DNAH14: variants seen among roughly 807,000 people sequenced by gnomAD.
DNAH14 encodes dynein axonemal heavy chain 14, also known as axonemal beta dynein heavy chain 14.
In DNAH14, 478 loss-of-function variants were observed where a neutral mutation model predicts 520.9. The observed-to-expected ratio is 0.92, with a 90% CI of 0.85 to 0.99. DNAH14 has a LOEUF of 0.99. Ranked by LOEUF, DNAH14 falls within the 50% of genes least tolerant of loss-of-function variation. DNAH14 has a pLI of 0.00. For missense variants in DNAH14, 4,831 were observed against 5,234.5 expected (o/e 0.92, Z 2.38); for synonymous variants, 1,581 against 1,757.2 (o/e 0.90, Z 2.51).
At chr1:225,129,798 C>A (rs1380317942) in intron 27 of DNAH14, among the ~76,000 whole-genome samples, 3 of 151,966 alleles carry the variant, frequency 2.0e-5, no homozygotes, top group Non-Finnish European at 2.9e-5. Context: ...CAATGGCAAC[C>A]AAAGCCAAAA....
At chr1:225,309,356 C>G (rs1256845141) in intron 60 of DNAH14, among the ~76,000 whole-genome samples, 1 of 101,746 alleles carries the variant, frequency 9.8e-6, no homozygotes, top group Admixed American at 1.2e-4. Flanking sequence ...AGCTACCTGC[C>G]CATGTTTTAG....
At chr1:225,148,086 A>C (rs1008455860) in intron 31 of DNAH14, among the ~76,000 whole-genome samples, 4 of 152,178 alleles carry the variant, frequency 2.6e-5, no homozygotes, top group Admixed American at 2.6e-4. Flanking sequence ...ATAATGCTGC[A>C]ATGAACATAC....
At chr1:225,122,260 A>G (rs995613) in intron 26 of DNAH14, among the ~76,000 whole-genome samples, 48,995 of 152,016 alleles carry the variant, frequency 0.32, 13,864 homozygotes, top group African/African-American at 0.76. Context: ...TTTCATATTT[A>G]TACTGGTGAG....
At chr1:225,090,575 T>A (rs2074285864) in intron 21 of DNAH14, among the ~76,000 whole-genome samples, 1 of 152,096 alleles carries the variant, frequency 6.6e-6, no homozygotes, top group Non-Finnish European at 1.5e-5. Context: ...CACATACGTA[T>A]GGACAACTGA....
At chr1:225,125,662 A>G (rs908309408) in intron 27 of DNAH14, among the ~76,000 whole-genome samples, 2 of 152,140 alleles carry the variant, frequency 1.3e-5, no homozygotes, top group Non-Finnish European at 2.9e-5. Context: ...CCAGACCACT[A>G]AAATTTTCTC....
At chr1:225,116,633 G>A (rs997528780) in intron 23 of DNAH14, among the ~76,000 whole-genome samples, 1 of 152,160 alleles carries the variant, frequency 6.6e-6, no homozygotes, top group Non-Finnish European at 1.5e-5. Flanking sequence ...GTATCAAATA[G>A]CTCAAGAAGA....
chr1:225,053,099 G>C (rs1237300091), intron 17 of DNAH14, among the ~76,000 whole-genome samples: 1 of 152,014 alleles, frequency 6.6e-6, no homozygotes, highest in Non-Finnish European at 1.5e-5. Context: ...TTATTTACTA[G>C]AACTCAGTTA....
At chr1:225,377,820 T>C (rs943975522) in intron 79 of DNAH14, among the ~76,000 whole-genome samples, 2 of 152,206 alleles carry the variant, frequency 1.3e-5, no homozygotes, top group Non-Finnish European at 2.9e-5. Context: ...TTAAAAGATA[T>C]TTGAATGTTT....
intron 8 of DNAH14, among the ~76,000 whole-genome samples, chr1:224,982,968 A>G (rs978801909): frequency 6.6e-6 from 1 of 152,144 alleles, no homozygotes; most frequent in Non-Finnish European, 1.5e-5. Context: ...TGATAAGTCC[A>G]TTTGTTCCGA....
Position 225,385,642 on chromosome 1 carries a change from G to T in DNAH14, c.13078-2737G>T, listed in dbSNP as rs536495232. On this transcript the variant is annotated intron_variant, in intron 81 of 85. Coordinates refer to ENST00000682510, the MANE Select transcript of DNAH14 (RefSeq NM_001367479.1). ...CTCCCATTCACAATTGCTTCAAAAA[G>T]AATAAAATACTTAGGAATCCAACTT... Among the ~76,000 whole-genome samples, 6 of 152,192 alleles carry T rather than the reference G, an allele frequency of 3.9e-5. No individual in the cohort carries two copies. The South Asian group carries it at 1.2e-3, about 32-fold the overall frequency.
chr1:225,393,920 A>G (rs1281813334), intron 84 of DNAH14, among the ~76,000 whole-genome samples: 1 of 150,616 alleles, frequency 6.6e-6, no homozygotes, highest in East Asian at 2.0e-4. Context: ...CCGGGTTCAC[A>G]CCATTCTCCT....
intron 17 of DNAH14, among the ~76,000 whole-genome samples, chr1:225,056,818 T>G (rs1221849052): frequency 6.6e-6 from 1 of 152,216 alleles, no homozygotes; most frequent in Non-Finnish European, 1.5e-5. Context: ...TTTTGTCAGG[T>G]TTGTCAAAGA....
At chr1:225,220,939 A>C (rs1255310182) in intron 41 of DNAH14, among the ~76,000 whole-genome samples, 1 of 152,240 alleles carries the variant, frequency 6.6e-6, no homozygotes, top group East Asian at 1.9e-4. Flanking sequence ...ACAGCATGGT[A>C]CTGGTACCAA....
intron 4 of DNAH14, among the ~76,000 whole-genome samples, chr1:224,962,902 G>T (rs1156327840): frequency 2.6e-5 from 4 of 152,090 alleles, no homozygotes; most frequent in African/African-American, 9.7e-5. Context: ...ACTAAAAAAT[G>T]GAAATGCTAA....
intron 54 of DNAH14, among the ~76,000 whole-genome samples, chr1:225,286,256 G>T (rs1470871664): frequency 1.3e-5 from 2 of 152,086 alleles, no homozygotes; most frequent in African/African-American, 4.8e-5. Context: ...GCTGAATATG[G>T]TTTACTATAA....
chr1:224,968,020 A>C, intron 6 of DNAH14: 2 of 888,814 alleles, frequency 2.3e-6, no homozygotes, highest in South Asian at 1.0e-4. Flanking sequence ...ATATACAATT[A>C]CTTGTTTTAA....
intron 11 of DNAH14, among the ~76,000 whole-genome samples, chr1:225,025,778 T>C (rs2148055053): frequency 6.6e-6 from 1 of 152,282 alleles, no homozygotes. Flanking sequence ...GTAATACCTA[T>C]GCCATAATGT....
chr1:225,157,918 G>C (rs981381178), intron 34 of DNAH14, among the ~76,000 whole-genome samples: 1 of 152,132 alleles, frequency 6.6e-6, no homozygotes, highest in Admixed American at 6.5e-5. Flanking sequence ...TAATGGAGTG[G>C]TTATAGGAAT....
rs781089831 is a variant in DNAH14 at position 225,185,374 on chromosome 1, A to G, written c.5619A>G (p.Leu1873=). 109 of 1,545,032 alleles carry G rather than the reference A, an allele frequency of 7.1e-5. No homozygotes were observed. Among genetic ancestry groups the G allele is most frequent in the Middle Eastern group, 5.0e-4 (3 of 5,984 alleles). The change falls in exon 37 of 86, where the codon CTA becomes CTG. Residue 1873 remains leucine (L), a synonymous_variant. Transcript: ENST00000682510. ...GAATTTTGGAAAAAGCATTAACGCT[A>G]TTACCAATTGCAGACTTCTTATCAG... ...VRRILEKALT[L]LPIADFLSVA... is the part of the protein sequence containing the mutation.
Sources: allele counts gnomAD v4.1 joint callset (sites outside exome capture counted in the v4.1 genomes callset), GRCh38; gene constraint gnomAD v4.1.1; transcripts MANE v1.5; gene names NCBI Gene and HGNC (gene_info 2026-07-23, HGNC 2026-07-21).